BIN2: variants seen among roughly 807,000 people sequenced by gnomAD.
BIN2 encodes the protein bridging integrator 2, also known as breast cancer associated protein BRAP1.
BIN2 carries 43 observed loss-of-function variants against 67.9 expected under a neutral mutation model. The ratio of observed to expected loss-of-function variants is 0.63; its 90% CI spans 0.50 to 0.82. The LOEUF is 0.82. BIN2 is among the 40% of genes least tolerant of loss of function. BIN2 has a pLI of 0.00. For missense variants in BIN2, 581 were observed against 671.6 expected (o/e 0.87, Z 1.49); for synonymous variants, 244 against 246.8 (o/e 0.99, Z 0.11).
At chr12:51,308,149 T>C (rs1398303073) in intron 2 of BIN2, among the ~76,000 whole-genome samples, 1 of 152,092 alleles carries the variant, frequency 6.6e-6, no homozygotes, top group Non-Finnish European at 1.5e-5. Context: ...AATCCCAACA[T>C]CTTTCTCCTT....
At position 51,288,159 on chromosome 12, in the gene BIN2, C is replaced by T. The variant is rs770427641; in HGVS notation, c.1545G>A (p.Lys515=). 1.2e-6 allele frequency: 2 copies of T among 1,613,974 alleles called. No individual in the cohort carries two copies. The highest frequency in any genetic ancestry group is 1.7e-6 in the Non-Finnish European group (2 of 1,179,844). Residue 515 remains lysine (K), a synonymous_variant, in exon 11 of 13, where the codon AAG becomes AAA. Transcript: ENST00000615107. ...TATTATCCTTTTCCTTGTCTTCCATCTTCTTTGCCTCTCCAGGCTCTGAAG... is the reference window on the plus strand; with the variant it reads ...TATTATCCTTTTCCTTGTCTTCCATTTTCTTTGCCTCTCCAGGCTCTGAAG... ...QVASEPGEAK[K]MEDKEKDNKL... is the part of the protein sequence containing the mutation.
At chr12:51,292,393 A>G in intron 9 of BIN2, 49 bp from the exon 10 acceptor site, 2 of 1,500,026 alleles carry the variant, frequency 1.3e-6, no homozygotes, top group Non-Finnish European at 8.8e-7. Context: ...ACCAGAAGCA[A>G]TGTAAATATG....
In BIN2 at chr12:51,297,097, T is replaced by G; in HGVS notation, c.670A>C (p.Met224Leu). 6.2e-7 allele frequency: 1 copy of G among 1,613,780 alleles called. No homozygotes were observed. Among genetic ancestry groups the G allele is most frequent in the Non-Finnish European group, 8.5e-7 (1 of 1,179,682 alleles). The change falls in exon 8 of 13, where the codon ATG becomes CTG. Residue 224 changes from methionine to leucine, a missense_variant. Coordinates refer to ENST00000615107, the MANE Select transcript of BIN2 (RefSeq NM_016293.4). ...SNLRDVFYRE[M>L]SKLNHNLYEV... ...GGCCAGACACCTCTCACCTTGCTCA[T>G]TTCCCTGTAGAAGACATCCCTCAAG...
intron 2 of BIN2, among the ~76,000 whole-genome samples, chr12:51,310,104 A>G (rs1443682010): frequency 6.6e-6 from 1 of 152,210 alleles, no homozygotes; most frequent in Non-Finnish European, 1.5e-5. Flanking sequence ...AGACAACCAG[A>G]TTTTATGTGT....
intron 7 of BIN2, among the ~76,000 whole-genome samples, chr12:51,297,794 G>A (rs1049944895): frequency 2.0e-5 from 3 of 151,854 alleles, no homozygotes; most frequent in African/African-American, 7.3e-5. Flanking sequence ...TTTTTTAAAG[G>A]GCTATATAAA....
intron 1 of BIN2, among the ~76,000 whole-genome samples, chr12:51,316,284 A>G (rs1946127114): frequency 6.7e-6 from 1 of 150,240 alleles, no homozygotes; most frequent in Non-Finnish European, 1.5e-5. Context: ...GGAGTTCGAG[A>G]CCAACCTGGC....
At chr12:51,302,428 T>C in intron 4 of BIN2, 2 of 532,754 alleles carry the variant, frequency 3.8e-6, no homozygotes, top group Admixed American at 6.6e-5. Flanking sequence ...ACAACCAATC[T>C]TTAGGAGGTA....
At chr12:51,293,626 G>C (rs1945453086) in intron 9 of BIN2, among the ~76,000 whole-genome samples, 1 of 152,088 alleles carries the variant, frequency 6.6e-6, no homozygotes, top group South Asian at 2.1e-4. Context: ...AACTTACATA[G>C]ATCGATTTTT....
At chr12:51,316,290 C>T (rs80334207) in intron 1 of BIN2, among the ~76,000 whole-genome samples, 19,390 of 149,022 alleles carry the variant, frequency 0.13, 1,385 homozygotes, top group East Asian at 0.24. Context: ...CGAGACCAAC[C>T]TGGCTAACAG....
At chr12:51,286,600 G>A (rs948296277) in intron 11 of BIN2, among the ~76,000 whole-genome samples, 54 of 152,240 alleles carry the variant, frequency 3.5e-4, no homozygotes, top group African/African-American at 1.3e-3. Flanking sequence ...CTCTATTACT[G>A]TCTCCATCTA....
intron 1 of BIN2, among the ~76,000 whole-genome samples, chr12:51,320,933 A>AC (rs1565693306): frequency 7.3e-5 from 10 of 136,624 alleles, no homozygotes; most frequent in East Asian, 4.2e-4. Flanking sequence ...GTATCATACT[A>AC]AAAACACACA....
intron 12 of BIN2, among the ~76,000 whole-genome samples, chr12:51,282,127 C>T (rs1945131653): frequency 6.6e-6 from 1 of 152,064 alleles, no homozygotes; most frequent in East Asian, 1.9e-4. Flanking sequence ...CATGGTCATC[C>T]TTAGTAAGCT....
intron 10 of BIN2, among the ~76,000 whole-genome samples, chr12:51,288,910 A>G (rs1329168547): frequency 6.6e-6 from 1 of 151,864 alleles, no homozygotes; most frequent in Non-Finnish European, 1.5e-5. Context: ...CACCATGCCC[A>G]ACAAACTTTT....
At position 51,313,184 on chromosome 12, in the gene BIN2, GAGGAAGGAAGGA is replaced by G. The variant is rs534447282; in HGVS notation, c.162+627_162+638del. 1.0e-3 allele frequency among the ~76,000 whole-genome samples: 117 copies of G among 113,846 alleles called. 1 individual carries two copies. In the East Asian group the frequency reaches 0.031, roughly 30 times the overall value. The allele number at this position is 113,846 out of a possible 152,430, so 74.7% of individuals were successfully genotyped here. On this transcript the variant is annotated intron_variant, in intron 2 of 12. Transcript: ENST00000615107. ...ACCTGGAAGGTTGAGGTTGCAGTGA[GAGGAAGGAAGGA>G]AGGAAGGAAGGAAGGAAGGAAGGAA...
chr12:51,297,964 G>A (rs1945614516), intron 7 of BIN2, among the ~76,000 whole-genome samples: 1 of 152,064 alleles, frequency 6.6e-6, no homozygotes, highest in Non-Finnish European at 1.5e-5. Flanking sequence ...TTCATTTCTA[G>A]GCCAGGCACG....
intron 10 of BIN2, 76 bp from the exon 11 acceptor site, chr12:51,288,264 A>G: frequency 8.3e-7 from 1 of 1,207,666 alleles, no homozygotes; most frequent in Non-Finnish European, 1.2e-6. Context: ...CCCTTGGTCC[A>G]TATTAGCTCC....
intron 5 of BIN2, among the ~76,000 whole-genome samples, chr12:51,301,590 C>T (rs113829588): frequency 6.1e-4 from 93 of 152,230 alleles, no homozygotes; most frequent in African/African-American, 2.1e-3. Context: ...CTCACTGCAA[C>T]CTCTCCCTCC....
intron 12 of BIN2, among the ~76,000 whole-genome samples, 157 bp downstream of exon 12, chr12:51,284,559 A>G (rs1945191066): frequency 1.3e-5 from 2 of 152,166 alleles, no homozygotes; most frequent in Admixed American, 6.6e-5. Flanking sequence ...ACGAAGTCCC[A>G]GTTCATTCTT....
intron 5 of BIN2, among the ~76,000 whole-genome samples, chr12:51,301,500 C>T (rs76614024): frequency 0.036 from 5,542 of 152,020 alleles, 139 homozygotes; most frequent in South Asian, 0.082. Context: ...TTACTGAAAT[C>T]TAAGTTTATT....
Sources: allele counts gnomAD v4.1 joint callset (sites outside exome capture counted in the v4.1 genomes callset), GRCh38; gene constraint gnomAD v4.1.1; transcripts MANE v1.5; gene names NCBI Gene and HGNC (gene_info 2026-07-23, HGNC 2026-07-21).